The following SIPA1L2 variants were observed in gnomAD, a reference collection of about 807,000 sequenced individuals.
SIPA1L2 encodes signal induced proliferation associated 1 like 2, also known as signal-induced proliferation-associated 1-like protein 2.
In SIPA1L2, 56 loss-of-function variants were observed where a neutral mutation model predicts 163.9. That is an observed-to-expected ratio of 0.34 (90% CI 0.28 to 0.43). The LOEUF is 0.43. Ranked by LOEUF, SIPA1L2 falls within the 20% of genes least tolerant of loss-of-function variation. The probability of loss-of-function intolerance (pLI) is 1.00; values close to 1 mark genes in which losing one functional copy is unlikely to be tolerated. For missense variants in SIPA1L2, 1,974 were observed against 2,193.5 expected (o/e 0.90, Z 2.00); for synonymous variants, 877 against 865.7 (o/e 1.01, Z -0.23).
chr1:232,550,133 T>C (rs184710434), intron 2 of SIPA1L2, among the ~76,000 whole-genome samples: 6 of 152,358 alleles, frequency 3.9e-5, no homozygotes, highest in African/African-American at 1.4e-4. Context: ...ATGAAATACT[T>C]ATTAACAATG....
At chr1:232,487,360 C>T (rs961345312) in intron 5 of SIPA1L2, among the ~76,000 whole-genome samples, 1 of 152,312 alleles carries the variant, frequency 6.6e-6, no homozygotes, top group Non-Finnish European at 1.5e-5. Context: ...ACTCAGACTA[C>T]TTGTTCTAAG....
At chr1:232,432,155 A>G in intron 16 of SIPA1L2, 92 bp downstream of exon 16, 1 of 1,028,420 alleles carries the variant, frequency 9.7e-7, no homozygotes, top group Non-Finnish European at 1.4e-6. Context: ...TCTTTTTTAG[A>G]AAATACATTT....
chr1:232,618,424 G>A lies in SIPA1L2; in HGVS notation c.-319+11445C>T, dbSNP rs567275187. Among the ~76,000 whole-genome samples the A allele has an allele frequency of 3.9e-5, 6 of 152,264 alleles. No individual in the cohort carries two copies. In the South Asian group the frequency reaches 8.3e-4, roughly 21 times the overall value. ...TAATCCCAGCACTTTAGGAGGCCAA[G>A]GCGGGTGGATCACAAGGTCAGGAGT... On this transcript the variant is annotated intron_variant, in intron 1 of 22. Coordinates refer to ENST00000674635, the MANE Select transcript of SIPA1L2 (RefSeq NM_020808.5).
In SIPA1L2 at chr1:232,513,870, G is replaced by T. The variant is rs751871566; in HGVS notation, c.1470C>A (p.Phe490Leu). The T allele has an allele frequency of 1.9e-6, 3 of 1,571,120 alleles. No homozygotes were observed. The highest frequency in any genetic ancestry group is 1.4e-5 in the African/African-American group (1 of 73,010). The change falls in exon 3 of 23, where the codon TTC becomes TTA. Residue 490 changes from phenylalanine to leucine, a missense_variant. Around this residue, in one of 3 missense-constraint regions of SIPA1L2, gnomAD observed 607 missense variants for 624.0 expected, o/e 0.97. Coordinates refer to ENST00000674635, the MANE Select transcript of SIPA1L2 (RefSeq NM_020808.5). ...IDLGAYYYRK[F>L]FYGKEHQNYF... ...GCTCTTCCTTACCTTTCCCATAGAA[G>T]AATTTGCGGTAATAATAGGCCCCAA...
chr1:232,598,346 G>C (rs561654559), intron 1 of SIPA1L2, among the ~76,000 whole-genome samples: 1 of 152,104 alleles, frequency 6.6e-6, no homozygotes, highest in Non-Finnish European at 1.5e-5. Flanking sequence ...AGTTTGAGAG[G>C]CTGCAAGTAA....
chr1:232,435,650 T>C (rs984740473), intron 15 of SIPA1L2, among the ~76,000 whole-genome samples: 6 of 152,214 alleles, frequency 3.9e-5, no homozygotes, highest in Non-Finnish European at 8.8e-5. Flanking sequence ...AGTTGATTTA[T>C]TTCATTTTGC....
chr1:232,528,767 C>T (rs955775401), intron 2 of SIPA1L2, among the ~76,000 whole-genome samples: 1 of 152,196 alleles, frequency 6.6e-6, no homozygotes, highest in Non-Finnish European at 1.5e-5. Flanking sequence ...GTTTGACTGG[C>T]AGAGCAGACT....
intron 1 of SIPA1L2, among the ~76,000 whole-genome samples, chr1:232,575,290 G>T (rs1660019255): frequency 6.6e-6 from 1 of 152,132 alleles, no homozygotes; most frequent in African/African-American, 2.4e-5. Context: ...GCACCCCAGA[G>T]ACAGTCCCAG....
intron 2 of SIPA1L2, among the ~76,000 whole-genome samples, chr1:232,520,237 T>G (rs371923034): frequency 6.6e-6 from 1 of 152,216 alleles, no homozygotes; most frequent in African/African-American, 2.4e-5. Flanking sequence ...ATTCTATGGC[T>G]TTGCTCCCCA....
At chr1:232,403,942 A>G (rs535440475) in intron 20 of SIPA1L2, among the ~76,000 whole-genome samples, 183 bp downstream of exon 20, 1 of 152,282 alleles carries the variant, frequency 6.6e-6, no homozygotes, top group Non-Finnish European at 1.5e-5. Flanking sequence ...AAGGAGAGGG[A>G]CCTCTCTCTC....
At chr1:232,595,631 C>A (rs1661220535) in intron 1 of SIPA1L2, among the ~76,000 whole-genome samples, 1 of 152,160 alleles carries the variant, frequency 6.6e-6, no homozygotes, top group Non-Finnish European at 1.5e-5. Flanking sequence ...GCTCCCCCAA[C>A]CAAAGAGGAT....
chr1:232,553,767 G>A (rs1056484531), intron 2 of SIPA1L2, among the ~76,000 whole-genome samples: 1 of 152,056 alleles, frequency 6.6e-6, no homozygotes, highest in African/African-American at 2.4e-5. Context: ...GGTCTTTTCT[G>A]TAATTTGTGA....
At chr1:232,469,736 G>A (rs949126847) in intron 8 of SIPA1L2, among the ~76,000 whole-genome samples, 8 of 151,972 alleles carry the variant, frequency 5.3e-5, no homozygotes, top group Admixed American at 3.9e-4. Context: ...AGAGATCTCT[G>A]TGGTGTTTTC....
intron 1 of SIPA1L2, among the ~76,000 whole-genome samples, chr1:232,622,270 T>C (rs900051432): frequency 2.6e-5 from 4 of 152,204 alleles, no homozygotes; most frequent in Non-Finnish European, 5.9e-5. Context: ...ACTTTTACCA[T>C]ATAAAATTAA....
chr1:232,612,863 T>C (rs1344510180), intron 1 of SIPA1L2, among the ~76,000 whole-genome samples: 1 of 152,208 alleles, frequency 6.6e-6, no homozygotes, highest in East Asian at 1.9e-4. Context: ...AGAGGTGCAA[T>C]GATATGGTTT....
At chr1:232,443,035 G>A (rs1662995780) in intron 12 of SIPA1L2, among the ~76,000 whole-genome samples, 1 of 152,184 alleles carries the variant, frequency 6.6e-6, no homozygotes, top group Non-Finnish European at 1.5e-5. Flanking sequence ...CCAAGTCACA[G>A]TGGCCCCAGC....
At chr1:232,413,551 G>A (rs1001441932) in intron 19 of SIPA1L2, among the ~76,000 whole-genome samples, 22 of 152,330 alleles carry the variant, frequency 1.4e-4, no homozygotes, top group African/African-American at 5.1e-4. Flanking sequence ...ATCACAAAAT[G>A]CAAAAGGATA....
At chr1:232,572,699 A>G (rs1231923231) in intron 2 of SIPA1L2, among the ~76,000 whole-genome samples, 42 of 63,722 alleles carry the variant, frequency 6.6e-4, no homozygotes, top group African/African-American at 5.7e-3. Context: ...ACATACATAT[A>G]TATATATATA....
chr1:232,579,641 A>T (rs1469749373), intron 1 of SIPA1L2, among the ~76,000 whole-genome samples: 1 of 152,238 alleles, frequency 6.6e-6, no homozygotes, highest in African/African-American at 2.4e-5. Context: ...CTAAAAAAGC[A>T]GCAATTTCAT....
Sources: allele counts gnomAD v4.1 joint callset (sites outside exome capture counted in the v4.1 genomes callset), GRCh38; gene constraint gnomAD v4.1.1; regional missense constraint gnomAD v4.1.1; transcripts MANE v1.5; gene names NCBI Gene and HGNC (gene_info 2026-07-23, HGNC 2026-07-21).